ASPRV1: variants seen among roughly 807,000 people sequenced by gnomAD.
The protein encoded by ASPRV1 is aspartic peptidase retroviral like 1.
Under a neutral mutation model 11.0 loss-of-function variants are expected in ASPRV1, and 7 were observed. That is an observed-to-expected ratio of 0.64 (90% CI 0.36 to 1.20). The LOEUF is 1.20. Ranked by LOEUF, ASPRV1 falls within the 50% of genes most tolerant of loss-of-function variation. The probability of loss-of-function intolerance (pLI) is 0.02; values close to 1 mark genes in which losing one functional copy is unlikely to be tolerated. For missense variants in ASPRV1, 299 were observed against 320.0 expected, an observed-to-expected ratio of 0.93 and a Z score of 0.50; for synonymous variants, 136 against 138.4, an observed-to-expected ratio of 0.98 and a Z score of 0.12.
chr2:69,938,143 T>G, the ASPRV1 span: 3 of 1,614,170 alleles, frequency 1.9e-6, no homozygotes, highest in East Asian at 6.7e-5. Context: ...TCACAGGTGA[T>G]CTGGACTGGA....
chr2:70,014,874 T>A, the ASPRV1 span, among the ~76,000 whole-genome samples: 1 of 145,688 alleles, frequency 6.9e-6, no homozygotes, highest in Admixed American at 6.8e-5. Flanking sequence ...CATTTGCAAA[T>A]CTTATATCTG....
downstream of ASPRV1, among the ~76,000 whole-genome samples, chr2:69,958,749 T>C (rs1424201678): frequency 6.6e-6 from 1 of 152,062 alleles, no homozygotes; most frequent in Non-Finnish European, 1.5e-5. Flanking sequence ...GAAAATCAAA[T>C]TTGAGAAGGG....
the ASPRV1 span, among the ~76,000 whole-genome samples, chr2:70,072,705 G>C: frequency 1.3e-5 from 2 of 151,956 alleles, no homozygotes; most frequent in South Asian, 2.1e-4. Context: ...CTGGGCGACA[G>C]AGCAAGATTT....
the ASPRV1 span, among the ~76,000 whole-genome samples, chr2:70,035,836 T>C: frequency 1.3e-5 from 2 of 151,642 alleles, no homozygotes; most frequent in Non-Finnish European, 2.9e-5. Context: ...TACCATGGAA[T>C]TCCAAAAATA....
the ASPRV1 span, among the ~76,000 whole-genome samples, chr2:70,073,598 T>A: frequency 6.6e-6 from 1 of 152,032 alleles, no homozygotes; most frequent in Admixed American, 6.6e-5. Flanking sequence ...AACTAGCAGC[T>A]TAACAAGGAA....
the ASPRV1 span, among the ~76,000 whole-genome samples, chr2:70,005,357 C>T: frequency 3.9e-5 from 6 of 152,242 alleles, no homozygotes; most frequent in East Asian, 1.2e-3. Context: ...ACCATGTGCA[C>T]CCAGCCTGTG....
At chr2:69,941,329 GTCGTCT>G in the ASPRV1 span, 1 of 152,166 alleles carries the variant, frequency 6.6e-6, no homozygotes, top group Non-Finnish European at 1.5e-5. Flanking sequence ...GAGCACCCAG[GTCGTCT>G]GTATTTTGGT....
chr2:69,966,886 G>A, the ASPRV1 span, among the ~76,000 whole-genome samples: 1 of 152,214 alleles, frequency 6.6e-6, no homozygotes, highest in South Asian at 2.1e-4. Context: ...CGGCGACAGA[G>A]AGGGGGTACC....
the ASPRV1 span, among the ~76,000 whole-genome samples, chr2:70,044,677 T>C: frequency 6.6e-6 from 1 of 152,112 alleles, no homozygotes; most frequent in Non-Finnish European, 1.5e-5. Flanking sequence ...CAGGCTGGTC[T>C]CAAACTCCCA....
chr2:69,984,690 G>A, the ASPRV1 span, among the ~76,000 whole-genome samples: 3 of 142,542 alleles, frequency 2.1e-5, no homozygotes, highest in African/African-American at 5.4e-5. Flanking sequence ...TTGCGATCTC[G>A]GCTCCCTGCA....
the ASPRV1 span, among the ~76,000 whole-genome samples, chr2:69,985,596 CT>C: frequency 1.3e-5 from 2 of 152,210 alleles, no homozygotes; most frequent in Admixed American, 6.5e-5. Flanking sequence ...GGGCTCAGCT[CT>C]GGGCTGGGCT....
the ASPRV1 span, among the ~76,000 whole-genome samples, chr2:70,020,996 T>C: frequency 2.0e-5 from 3 of 152,216 alleles, no homozygotes; most frequent in Admixed American, 6.5e-5. Context: ...AAATTTTATG[T>C]GTATTTTACC....
chr2:69,935,324 A>C, the ASPRV1 span: 1 of 1,551,580 alleles, frequency 6.4e-7, no homozygotes, highest in East Asian at 2.2e-5. Flanking sequence ...GAAACTCTCA[A>C]ATGCTACTGT....
the ASPRV1 span, among the ~76,000 whole-genome samples, chr2:70,084,607 T>A: frequency 1.3e-5 from 2 of 152,272 alleles, no homozygotes; most frequent in African/African-American, 4.8e-5. Context: ...AATGGGTTTT[T>A]AATCACTTTA....
At chr2:70,020,065 C>T in the ASPRV1 span, among the ~76,000 whole-genome samples, 1 of 151,990 alleles carries the variant, frequency 6.6e-6, no homozygotes, top group African/African-American at 2.4e-5. Flanking sequence ...CTTGTCAAAA[C>T]ACACATTTTT....
chr2:70,063,596 G>A, the ASPRV1 span, among the ~76,000 whole-genome samples: 1 of 152,214 alleles, frequency 6.6e-6, no homozygotes. Flanking sequence ...CAAAGATAAG[G>A]GAGTTGAACC....
the ASPRV1 span, chr2:70,077,511 A>G: frequency 5.3e-5 from 8 of 152,354 alleles, no homozygotes; most frequent in Non-Finnish European, 4.4e-5. Context: ...TACACTTATT[A>G]TGAAACTTTT....
the ASPRV1 span, among the ~76,000 whole-genome samples, chr2:70,066,415 T>C: frequency 6.6e-6 from 1 of 151,562 alleles, no homozygotes; most frequent in African/African-American, 2.4e-5. Flanking sequence ...ATTTTTGTAT[T>C]TTTAGTAGAG....
downstream of ASPRV1, among the ~76,000 whole-genome samples, chr2:69,958,827 C>G (rs1156686500): frequency 1.3e-5 from 2 of 152,142 alleles, no homozygotes; most frequent in African/African-American, 4.8e-5. Flanking sequence ...TTCTCCAGTT[C>G]TCTCACCCCC....
Sources: allele counts gnomAD v4.1 joint callset (sites outside exome capture counted in the v4.1 genomes callset), GRCh38; gene constraint gnomAD v4.1.1; transcripts MANE v1.5; gene names NCBI Gene and HGNC (gene_info 2026-07-23, HGNC 2026-07-21).